The following ASTN2 variants were observed in gnomAD, a reference collection of about 807,000 sequenced individuals.
The protein encoded by ASTN2 is astrotactin 2.
ASTN2 carries 54 observed loss-of-function variants against 139.8 expected under a neutral mutation model. The observed-to-expected ratio is 0.39, with a 90% CI of 0.31 to 0.48. The LOEUF (loss-of-function observed/expected upper bound fraction) is 0.48, where lower values mean the gene tolerates loss of function less well. Among genes scored for constraint, ASTN2 ranks in the 20% least tolerant of loss-of-function variants. The pLI, the probability that ASTN2 is intolerant of heterozygous loss-of-function variation, is 0.95. For synonymous variants in ASTN2, 756 were observed against 719.5 expected (o/e 1.05, Z -0.81); for missense variants, 1,565 against 1,725.1 (o/e 0.91, Z 1.64).
chr9:117,276,304 G>A (rs1410952697), intron 2 of ASTN2, among the ~76,000 whole-genome samples: 2 of 152,158 alleles, frequency 1.3e-5, no homozygotes, highest in Non-Finnish European at 2.9e-5. Context: ...TTATCAAAAG[G>A]CTGAGAGATC....
chr9:116,527,508 A>G (rs1851145394), intron 19 of ASTN2, among the ~76,000 whole-genome samples: 1 of 152,220 alleles, frequency 6.6e-6, no homozygotes, highest in Non-Finnish European at 1.5e-5. Flanking sequence ...GGCTACTATC[A>G]AAAAGATGAA....
chr9:116,696,757 T>C (rs1375451272), intron 16 of ASTN2, among the ~76,000 whole-genome samples: 1 of 152,208 alleles, frequency 6.6e-6, no homozygotes. Flanking sequence ...AGACCTCTTG[T>C]ATCTAGTACA....
chr9:117,233,300 A>G (rs1446692606), intron 2 of ASTN2, among the ~76,000 whole-genome samples: 1 of 152,254 alleles, frequency 6.6e-6, no homozygotes, highest in African/African-American at 2.4e-5. Context: ...TACCAGGCTC[A>G]GTGGAAGCCA....
rs139324254 is a variant in ASTN2 at position 117,400,349 on chromosome 9, T to G, written c.442+14148A>C. 1.8e-3 allele frequency among the ~76,000 whole-genome samples: 267 copies of G among 152,292 alleles called. 2 individuals carry two copies. Among genetic ancestry groups the G allele is most frequent in the African/African-American group, 4.7e-3 (197 of 41,552 alleles). ...TCAGTCTTTCCACCTGCTGTCCTTT[T>G]GTGGGGAGGACAGAACGTCTGTTCC... On this transcript the variant is annotated intron_variant, in intron 1 of 22. Coordinates refer to ENST00000313400, the MANE Select transcript of ASTN2 (RefSeq NM_001365068.1).
At chr9:116,726,451 C>T (rs1433050421) in intron 15 of ASTN2, among the ~76,000 whole-genome samples, 3 of 152,160 alleles carry the variant, frequency 2.0e-5, no homozygotes, top group Non-Finnish European at 4.4e-5. Context: ...GACTCAAACC[C>T]ACTTATGTTC....
At position 116,965,407 on chromosome 9, in the gene ASTN2, C is replaced by G. The variant is rs73655564; in HGVS notation, c.1889+9801G>C. ...GGTTGGACTCCTAACATGTGACAGA[C>G]TTCTCTAGGATTTTTCGAAAGGAGA... is the stretch of plus-strand genomic sequence containing the variant. On this transcript the variant is annotated intron_variant, in intron 10 of 22. Coordinates refer to ENST00000313400, the MANE Select transcript of ASTN2 (RefSeq NM_001365068.1). Among the ~76,000 whole-genome samples, 359 of 152,282 alleles carry G rather than the reference C, an allele frequency of 2.4e-3. 3 individuals carry two copies. Among genetic ancestry groups the G allele is most frequent in the African/African-American group, 7.8e-3 (324 of 41,556 alleles).
At chr9:116,643,434 C>T (rs931720230) in intron 17 of ASTN2, among the ~76,000 whole-genome samples, 12 of 152,082 alleles carry the variant, frequency 7.9e-5, no homozygotes, top group Non-Finnish European at 1.3e-4. Context: ...ATAGATGATA[C>T]GTAAATCAAG....
intron 20 of ASTN2, among the ~76,000 whole-genome samples, chr9:116,445,334 T>G (rs939580082): frequency 6.6e-6 from 1 of 152,198 alleles, no homozygotes; most frequent in Non-Finnish European, 1.5e-5. Flanking sequence ...CACTTATTTG[T>G]GCAAGACAAC....
At chr9:117,153,894 A>T (rs770142846) in intron 3 of ASTN2, among the ~76,000 whole-genome samples, 27 of 152,120 alleles carry the variant, frequency 1.8e-4, no homozygotes, top group Non-Finnish European at 3.7e-4. Context: ...ATGTATGACC[A>T]GGCACTCAAT....
chr9:117,365,649 A>G (rs1829823754), intron 1 of ASTN2, among the ~76,000 whole-genome samples: 1 of 152,188 alleles, frequency 6.6e-6, no homozygotes, highest in South Asian at 2.1e-4. Context: ...ATAGACCAGG[A>G]AGTGCAACCC....
chr9:117,257,160 C>A (rs1024208029), intron 2 of ASTN2, among the ~76,000 whole-genome samples: 2 of 152,162 alleles, frequency 1.3e-5, no homozygotes, highest in Non-Finnish European at 2.9e-5. Context: ...TTGTTCTATT[C>A]TATTTCCATT....
intron 20 of ASTN2, among the ~76,000 whole-genome samples, chr9:116,480,393 C>G (rs983723170): frequency 6.6e-6 from 1 of 152,166 alleles, no homozygotes; most frequent in Non-Finnish European, 1.5e-5. Context: ...GGGGAGAAGT[C>G]AGTGTCTACA....
chr9:116,457,990 A>C (rs568059789), intron 20 of ASTN2, among the ~76,000 whole-genome samples: 2 of 152,216 alleles, frequency 1.3e-5, no homozygotes, highest in East Asian at 3.9e-4. Context: ...AATGTGGTAC[A>C]TATACACAAT....
chr9:116,881,734 C>T (rs1833454823), intron 10 of ASTN2, among the ~76,000 whole-genome samples: 1 of 152,190 alleles, frequency 6.6e-6, no homozygotes, highest in Admixed American at 6.5e-5. Context: ...CAAGGCACCT[C>T]AATTGCCTAC....
At chr9:116,497,447 TCA>T (rs1335021437) in intron 19 of ASTN2, among the ~76,000 whole-genome samples, 1 of 152,138 alleles carries the variant, frequency 6.6e-6, no homozygotes, top group Non-Finnish European at 1.5e-5. Flanking sequence ...CCTGTGATGC[TCA>T]CAGTTTTGCA....
At chr9:117,351,405 C>CA (rs1012319859) in intron 1 of ASTN2, among the ~76,000 whole-genome samples, 33 of 151,866 alleles carry the variant, frequency 2.2e-4, no homozygotes, top group Non-Finnish European at 5.9e-5. Flanking sequence ...TGAAACAAAA[C>CA]AAAAAAAATC....
At chr9:116,975,422 T>C in intron 9 of ASTN2, 77 bp from the exon 10 acceptor site, 2 of 1,430,802 alleles carry the variant, frequency 1.4e-6, no homozygotes, top group Non-Finnish European at 1.9e-6. Flanking sequence ...CCTGTTCCCA[T>C]CCCTTCTAGG....
At chr9:116,994,948 C>T (rs1473542526) in intron 7 of ASTN2, among the ~76,000 whole-genome samples, 1 of 152,162 alleles carries the variant, frequency 6.6e-6, no homozygotes, top group Non-Finnish European at 1.5e-5. Flanking sequence ...CTCATAATTA[C>T]CCTCCAAGGA....
At chr9:117,249,047 A>C (rs905736969) in intron 2 of ASTN2, among the ~76,000 whole-genome samples, 1 of 152,262 alleles carries the variant, frequency 6.6e-6, no homozygotes. Flanking sequence ...CTTTCTAATA[A>C]ATTTTTCAGT....
Sources: gnomAD v4.1 joint callset for allele counts (sites outside exome capture counted in the v4.1 genomes callset) on GRCh38, gnomAD v4.1.1 for gene constraint, MANE v1.5 for transcripts, NCBI Gene and HGNC (gene_info 2026-07-23, HGNC 2026-07-21) for gene names.